Variants in LYPLAL1 observed in about 807,000 individuals in gnomAD.
LYPLAL1 encodes lysophospholipase-like protein 1.
LYPLAL1 carries 23 observed loss-of-function variants against 19.7 expected under a neutral mutation model. The observed-to-expected ratio is 1.17, with a 90% CI of 0.84 to 1.65. The LOEUF is 1.65. Among genes scored for constraint, LYPLAL1 ranks in the 40% most tolerant of loss-of-function variants. The probability of loss-of-function intolerance (pLI) is 0.00; values close to 1 mark genes in which losing one functional copy is unlikely to be tolerated. For missense variants in LYPLAL1, 355 were observed against 279.4 expected (o/e 1.27, Z -1.93); for synonymous variants, 119 against 96.3 (o/e 1.24, Z -1.38).
the LYPLAL1 span, among the ~76,000 whole-genome samples, chr1:219,260,759 A>G: frequency 6.6e-6 from 1 of 151,334 alleles, no homozygotes; most frequent in Non-Finnish European, 1.5e-5. Context: ...TATAATCTCA[A>G]ATAGAAAATG....
chr1:219,188,144 T>C (rs11118233), intron 2 of LYPLAL1, among the ~76,000 whole-genome samples: 70,518 of 151,610 alleles, frequency 0.47, 16,782 homozygotes, highest in East Asian at 0.66. Flanking sequence ...ATCTATTCTA[T>C]GTCAGGCTTT....
the LYPLAL1 span, among the ~76,000 whole-genome samples, chr1:219,313,013 G>A: frequency 4.6e-5 from 7 of 152,156 alleles, no homozygotes; most frequent in Non-Finnish European, 1.0e-4. Context: ...TAGTATTATA[G>A]GTTATAGTAT....
chr1:219,230,529 TG>T, the LYPLAL1 span, among the ~76,000 whole-genome samples: 1 of 152,230 alleles, frequency 6.6e-6, no homozygotes, highest in African/African-American at 2.4e-5. Context: ...TGATTCATAA[TG>T]TTTTCAATCT....
rs1433559837 is a variant in LYPLAL1, at chr1:219,193,206, G to A, written c.316G>A (p.Asp106Asn). 1.9e-6 allele frequency: 3 copies of A among 1,610,364 alleles called. No individual in the cohort carries two copies. The highest frequency in any genetic ancestry group is 1.3e-5 in the African/African-American group (1 of 74,710). The change falls in exon 3 of 5, where the codon GAT becomes AAT. Residue 106 changes from aspartate to asparagine, a missense_variant. Physicochemically the swap from Asp to Asn is conservative, Grantham distance 23. Coordinates refer to ENST00000366928, the MANE Select transcript of LYPLAL1 (RefSeq NM_138794.5). ...VMCQVLTDLI[D>N]EEVKSGIKKN... ...GTGTCAAGTGCTTACTGATTTGATT[G>A]ATGAAGAAGTAAAAAGTGGCATCAA...
intron 2 of LYPLAL1, among the ~76,000 whole-genome samples, chr1:219,191,800 T>G (rs1225531989): frequency 6.6e-6 from 1 of 151,620 alleles, no homozygotes; most frequent in Non-Finnish European, 1.5e-5. Flanking sequence ...CATTTAAGTT[T>G]TTATGTACTG....
chr1:219,445,449 T>G, the LYPLAL1 span, among the ~76,000 whole-genome samples: 1 of 151,018 alleles, frequency 6.6e-6, no homozygotes, highest in East Asian at 2.0e-4. Context: ...TAGACTGCAG[T>G]TGTAAGAGAA....
At chr1:219,250,719 G>T in the LYPLAL1 span, among the ~76,000 whole-genome samples, 3 of 151,874 alleles carry the variant, frequency 2.0e-5, no homozygotes, top group Non-Finnish European at 2.9e-5. Context: ...GGGTGTTTAG[G>T]TTGATTTCAC....
chr1:219,408,081 C>T, the LYPLAL1 span, among the ~76,000 whole-genome samples: 6 of 152,136 alleles, frequency 3.9e-5, no homozygotes, highest in African/African-American at 1.4e-4. Flanking sequence ...TCTATAACAA[C>T]ATGTCAGGTG....
chr1:219,445,468 A>G, the LYPLAL1 span, among the ~76,000 whole-genome samples: 2 of 151,788 alleles, frequency 1.3e-5, no homozygotes, highest in Non-Finnish European at 2.9e-5. Flanking sequence ...AAAAAAGGTG[A>G]AAATAAATTA....
the LYPLAL1 span, among the ~76,000 whole-genome samples, chr1:219,379,345 GCACTGCTTCTGC>G: frequency 6.6e-6 from 1 of 152,162 alleles, no homozygotes; most frequent in African/African-American, 2.4e-5. Flanking sequence ...TCCTGGAACA[GCACTGCTTCTGC>G]CACCTCAGAC....
intron 3 of LYPLAL1, among the ~76,000 whole-genome samples, chr1:219,197,489 A>T (rs560662323): frequency 1.4e-3 from 218 of 152,350 alleles, no homozygotes; most frequent in Non-Finnish European, 2.4e-3. Flanking sequence ...AAGATGGATT[A>T]AAGACTGAAA....
chr1:219,243,846 G>C, the LYPLAL1 span, among the ~76,000 whole-genome samples: 1 of 150,598 alleles, frequency 6.6e-6, no homozygotes, highest in East Asian at 2.0e-4. Context: ...TTGAACCTGG[G>C]AGGCAGAGGT....
At chr1:219,288,683 T>G in the LYPLAL1 span, among the ~76,000 whole-genome samples, 1 of 152,200 alleles carries the variant, frequency 6.6e-6, no homozygotes, top group Non-Finnish European at 1.5e-5. Context: ...CAATGTCGTT[T>G]CATCGACTGT....
intron 3 of LYPLAL1, among the ~76,000 whole-genome samples, chr1:219,201,036 CAAAA>C (rs894349881): frequency 1.3e-5 from 2 of 151,884 alleles, no homozygotes; most frequent in African/African-American, 4.8e-5. Flanking sequence ...ATTCCTGTCA[CAAAA>C]AAAGTGTACC....
At chr1:219,282,744 A>G in the LYPLAL1 span, among the ~76,000 whole-genome samples, 1 of 152,166 alleles carries the variant, frequency 6.6e-6, no homozygotes. Context: ...AAAATCAAAT[A>G]TAAGGGTAAT....
the LYPLAL1 span, among the ~76,000 whole-genome samples, chr1:219,238,550 A>G: frequency 6.6e-6 from 1 of 151,982 alleles, no homozygotes; most frequent in Non-Finnish European, 1.5e-5. Flanking sequence ...TTCATACACC[A>G]TGTTGAGGAA....
At chr1:219,302,763 T>C in the LYPLAL1 span, among the ~76,000 whole-genome samples, 1 of 152,174 alleles carries the variant, frequency 6.6e-6, no homozygotes, top group Non-Finnish European at 1.5e-5. Context: ...AATCTTTGTC[T>C]GGGATGCCCA....
At chr1:219,358,269 T>C in the LYPLAL1 span, among the ~76,000 whole-genome samples, 1 of 152,106 alleles carries the variant, frequency 6.6e-6, no homozygotes, top group Non-Finnish European at 1.5e-5. Context: ...GAAGGGAAAG[T>C]TGCTGACTAA....
chr1:219,214,603 C>T (rs1250310856), downstream of LYPLAL1, among the ~76,000 whole-genome samples: 2 of 151,610 alleles, frequency 1.3e-5, no homozygotes, highest in African/African-American at 4.9e-5. Flanking sequence ...AGCCTGTATG[C>T]TACTTTTGTT....
Sources: gnomAD v4.1 joint callset for allele counts (sites outside exome capture counted in the v4.1 genomes callset) on GRCh38, gnomAD v4.1.1 for gene constraint, MANE v1.5 for transcripts, NCBI Gene and HGNC (gene_info 2026-07-23, HGNC 2026-07-21) for gene names.